Variants in RAI14 observed in about 807,000 individuals in gnomAD.
The protein encoded by RAI14 is ankycorbin.
A neutral mutation model predicts 115.4 loss-of-function variants in RAI14; 45 were observed. That is an observed-to-expected ratio of 0.39 (90% confidence interval 0.31 to 0.50). RAI14 has a LOEUF of 0.50. RAI14 is among the 20% of genes least tolerant of loss of function. The probability of loss-of-function intolerance (pLI) is 0.85; values close to 1 mark genes in which losing one functional copy is unlikely to be tolerated. For synonymous variants in RAI14, 371 were observed against 415.4 expected (o/e 0.89, Z 1.30); for missense variants, 939 against 1,131.2 (o/e 0.83, Z 2.44).
intron 2 of RAI14, among the ~76,000 whole-genome samples, chr5:34,752,573 G>A (rs574713589): frequency 2.0e-5 from 3 of 152,074 alleles, no homozygotes; most frequent in Non-Finnish European, 2.9e-5. Context: ...GAGGGCCCGC[G>A]GGGCTTGAGC....
chr5:34,721,767 G>A (rs1742785211), intron 2 of RAI14, among the ~76,000 whole-genome samples: 1 of 152,136 alleles, frequency 6.6e-6, no homozygotes, highest in Non-Finnish European at 1.5e-5. Context: ...CTGGAATGCA[G>A]TGATGGAATC....
intron 1 of RAI14, among the ~76,000 whole-genome samples, chr5:34,680,752 G>T (rs112762470): frequency 1.8e-4 from 27 of 152,200 alleles, no homozygotes; most frequent in Admixed American, 5.2e-4. Flanking sequence ...CTCCCATTTA[G>T]GAAGACTTCT....
chr5:34,823,196 A>G lies in RAI14; in HGVS notation c.1354A>G (p.Arg452Gly). ...QKRLESSEAE[R>G]KQLQVELQSR... ...GAGATTAGAGAGCTCTGAAGCAGAG[A>G]GAAAACAGCTACAGGTCGAACTCCA... The change falls in exon 15 of 18, where the codon AGA (arginine) becomes GGA (glycine). Residue 452 changes from arginine (R) to glycine (G), a missense_variant. Physicochemically the swap from Arg to Gly is moderately radical, Grantham distance 125. Coordinates refer to ENST00000265109, the MANE Select transcript of RAI14 (RefSeq NM_015577.3). The surrounding 1 kb of genome is among the most constrained non-coding windows in gnomAD (Gnocchi z 4.5). 1 of 1,614,056 alleles carries G rather than the reference A, an allele frequency of 6.2e-7. No homozygotes were observed. The highest frequency in any genetic ancestry group is 8.5e-7 in the Non-Finnish European group (1 of 1,179,904).
chr5:34,658,619 C>T (rs1397016721), intron 1 of RAI14, among the ~76,000 whole-genome samples: 2 of 151,968 alleles, frequency 1.3e-5, no homozygotes, highest in South Asian at 2.1e-4. Flanking sequence ...AGTGAAACCC[C>T]GTCTCTACTA....
chr5:34,813,963 T>C (rs1033733416), intron 11 of RAI14, among the ~76,000 whole-genome samples: 2 of 152,202 alleles, frequency 1.3e-5, no homozygotes, highest in Non-Finnish European at 2.9e-5. Flanking sequence ...GTTCAATTTA[T>C]TTTTAGTTCC....
chr5:34,804,693 T>C (rs891599486), intron 5 of RAI14, among the ~76,000 whole-genome samples: 1 of 152,230 alleles, frequency 6.6e-6, no homozygotes, highest in African/African-American at 2.4e-5. Context: ...CCTTAACAGG[T>C]CTTTGAAGCT....
At chr5:34,735,048 T>TGGCA (rs1431184487) in intron 2 of RAI14, among the ~76,000 whole-genome samples, 2 of 152,252 alleles carry the variant, frequency 1.3e-5, no homozygotes, top group Admixed American at 6.5e-5. Flanking sequence ...GAAAACCTGG[T>TGGCA]GGCAACCTAG....
chr5:34,756,638 A>G (rs1049694637), intron 2 of RAI14, among the ~76,000 whole-genome samples: 2 of 152,142 alleles, frequency 1.3e-5, no homozygotes, highest in African/African-American at 4.8e-5. Flanking sequence ...CACTGGTTCT[A>G]TAATTCTCTC....
intron 1 of RAI14, among the ~76,000 whole-genome samples, chr5:34,679,960 T>C (rs1744269408): frequency 6.6e-6 from 1 of 152,182 alleles, no homozygotes. Flanking sequence ...TCCAAGCACT[T>C]TATCCTATAT....
Position 34,672,976 on chromosome 5 carries a change from C to T in RAI14, c.-48-13896C>T, listed in dbSNP as rs256288. ...TCCTTGTTTCCCTCCTTTGTACTCC[C>T]TCAGTTCTGTGGAGTCAAGTCCCAG... On this transcript the variant is annotated intron_variant, in intron 1 of 17. Coordinates refer to ENST00000265109, the MANE Select transcript of RAI14 (RefSeq NM_015577.3). Among the ~76,000 whole-genome samples, 178 of 152,224 alleles carry T rather than the reference C, an allele frequency of 1.2e-3. 2 individuals are homozygous for T. The East Asian group carries it at 0.027, about 23-fold the overall frequency.
rs116654368 is a variant in RAI14, at chr5:34,706,956, G to T, written c.36+20001G>T. ...CTCTTGCCCTACCCCGCATCAAATTGCAGCATATTGAGAGATGATAAATAT... is the reference window on the plus strand; with the variant it reads ...CTCTTGCCCTACCCCGCATCAAATTTCAGCATATTGAGAGATGATAAATAT... On this transcript the variant is annotated intron_variant, in intron 2 of 17. Transcript: ENST00000265109. Among the ~76,000 whole-genome samples the T allele has an allele frequency of 9.4e-3, 1,432 of 152,256 alleles. 25 individuals carry two copies. The highest frequency in any genetic ancestry group is 0.032 in the African/African-American group (1,344 of 41,536).
chr5:34,825,517 T>C (rs559022525), intron 15 of RAI14, among the ~76,000 whole-genome samples: 40 of 152,238 alleles, frequency 2.6e-4, no homozygotes, highest in Non-Finnish European at 4.3e-4. Context: ...CCTGTTTCCC[T>C]AAGGTCCATG....
rs562186450 is a variant in RAI14, at chr5:34,797,434, G to T, written c.256+1407G>T. ...GTGGTTGGGAATCTTTATCCTTTGA[G>T]AATAGGGTTTTTTTTTAGGGCAAAC... On this transcript the variant is annotated intron_variant, in intron 4 of 17. Coordinates refer to ENST00000265109, the MANE Select transcript of RAI14 (RefSeq NM_015577.3). Among the ~76,000 whole-genome samples the T allele has an allele frequency of 3.2e-4, 41 of 127,270 alleles. No individual in the cohort carries two copies. The East Asian group carries it at 7.9e-3, about 24-fold the overall frequency. 83.5% of individuals were successfully genotyped at this position (127,270 alleles called of 152,430 possible). A position where few individuals can be genotyped will look rare whatever the true frequency, so the allele number is the denominator to read the frequency against.
Position 34,829,755 on chromosome 5 carries a change from G to A in RAI14, c.2823G>A (p.Glu941=). The A allele has an allele frequency of 1.2e-6, 2 of 1,612,078 alleles. No individual in the cohort carries two copies. The highest frequency in any genetic ancestry group is 1.7e-6 in the Non-Finnish European group (2 of 1,178,666). ...AGGAATGCAAGAAACAACACCAGGA[G>A]GTCATATCAGTTTACAGAATGCATC... ...QLAECKKQHQ[E]VISVYRMHLL... Residue 941 remains glutamate, a synonymous_variant, in exon 17 of 18, where the codon GAG becomes GAA. Coordinates refer to ENST00000265109, the MANE Select transcript of RAI14 (RefSeq NM_015577.3).
chr5:34,823,984 C>A lies in RAI14; in HGVS notation c.2142C>A (p.Thr714=). 1 of 1,613,918 alleles carries A rather than the reference C, an allele frequency of 6.2e-7. No individual in the cohort carries two copies. Among genetic ancestry groups the A allele is most frequent in the Non-Finnish European group, 8.5e-7 (1 of 1,179,872 alleles). The change falls in exon 15 of 18, where the codon ACC becomes ACA. Residue 714 remains threonine, a synonymous_variant. Transcript: ENST00000265109. The surrounding 1 kb of genome is among the most constrained non-coding windows in gnomAD (Gnocchi z 4.5). ...ATTCAAAAGTGTTGAATGAGTTGAC[C>A]CAGCTCAAACAACTGGTGGATGCAC... ...SQYSKVLNEL[T]QLKQLVDAQK...
chr5:34,734,684 C>T (rs1308401102), intron 2 of RAI14, among the ~76,000 whole-genome samples: 1 of 150,492 alleles, frequency 6.6e-6, no homozygotes, highest in Non-Finnish European at 1.5e-5. Context: ...TTTTTTTTGA[C>T]AGAGTCTTGC....
intron 4 of RAI14, among the ~76,000 whole-genome samples, chr5:34,798,707 C>T (rs1753841374): frequency 1.3e-5 from 2 of 152,322 alleles, no homozygotes; most frequent in South Asian, 4.1e-4. Context: ...AGCAGGAAGA[C>T]CTGGATGCCC....
At position 34,746,100 on chromosome 5, in the gene RAI14, C is replaced by CG. The variant is rs1398018646; in HGVS notation, c.37-11367dup. The stretch of plus-strand genomic sequence containing the variant: ...CTTATACACCACCCCCTCCCCCCCC[C>CG]GCCTTTTTTTTTTTTGTTTTTTTGA... On this transcript the variant is annotated intron_variant, in intron 2 of 17. Coordinates refer to ENST00000265109, the MANE Select transcript of RAI14 (RefSeq NM_015577.3). Among the ~76,000 whole-genome samples the CG allele has an allele frequency of 2.0e-4, 25 of 124,846 alleles. No homozygotes were observed. The South Asian group carries it at 5.1e-3, about 25-fold the overall frequency. 81.9% of individuals were successfully genotyped at this position (124,846 alleles called of 152,430 possible). A position where few individuals can be genotyped will look rare whatever the true frequency, so the allele number is the denominator to read the frequency against.
chr5:34,830,970 T>A lies in RAI14; in HGVS notation c.*205T>A. On this transcript the variant is annotated 3_prime_UTR_variant, in exon 18 of 18. Transcript: ENST00000265109. Reference sequence around the variant, plus strand: ...CTTAGAGACTTCAAACCAGCAGAGGTGAAAGTCCCTGTCATCCCTTCAGAT... The same window carrying A: ...CTTAGAGACTTCAAACCAGCAGAGGAGAAAGTCCCTGTCATCCCTTCAGAT... 1 of 836,890 alleles carries A rather than the reference T, an allele frequency of 1.2e-6. No homozygotes were observed. Among genetic ancestry groups the A allele is most frequent in the Non-Finnish European group, 1.7e-6 (1 of 584,026 alleles). 51.8% of individuals were successfully genotyped at this position (836,890 alleles called of 1,614,324 possible).
Sources: allele counts gnomAD v4.1 joint callset (sites outside exome capture counted in the v4.1 genomes callset), GRCh38; gene constraint gnomAD v4.1.1; non-coding constraint Gnocchi (gnomAD v3.1); transcripts MANE v1.5; gene names NCBI Gene and HGNC (gene_info 2026-07-23, HGNC 2026-07-21).